LGR5: variants seen among roughly 807,000 people sequenced by gnomAD.
The protein encoded by LGR5 is leucine-rich repeat-containing G protein-coupled receptor 5.
Under a neutral mutation model 76.7 loss-of-function variants are expected in LGR5, and 54 were observed. The observed-to-expected ratio is 0.70, with a 90% CI of 0.57 to 0.88. The LOEUF (loss-of-function observed/expected upper bound fraction) is 0.88. Ranked by LOEUF, LGR5 falls within the 40% of genes least tolerant of loss-of-function variation. The pLI, the probability that LGR5 is intolerant of heterozygous loss-of-function variation, is 0.00. For missense variants in LGR5, 1,078 were observed against 1,073.3 expected (o/e 1.00, Z -0.06); for synonymous variants, 406 against 421.9 (o/e 0.96, Z 0.46).
chr12:71,483,011 C>T (rs1285847730), intron 1 of LGR5, among the ~76,000 whole-genome samples: 9 of 151,828 alleles, frequency 5.9e-5, no homozygotes. Flanking sequence ...ACCCCTAAGA[C>T]AAATTTGGGA....
At chr12:71,553,631 T>C (rs1337690956) in intron 5 of LGR5, among the ~76,000 whole-genome samples, 1 of 152,174 alleles carries the variant, frequency 6.6e-6, no homozygotes, top group African/African-American at 2.4e-5. Flanking sequence ...AAATAATTGA[T>C]AATTCAGGTC....
chr12:71,527,279 T>C (rs1876057833), intron 3 of LGR5, among the ~76,000 whole-genome samples: 1 of 152,212 alleles, frequency 6.6e-6, no homozygotes, highest in Admixed American at 6.5e-5. Flanking sequence ...TTTTGGTTTT[T>C]GTCTTAGGTT....
rs1366206373 is a variant in LGR5, at chr12:71,585,352, T to C, written c.*618T>C. ...GATCATTTTTAGAGATACCAGGTTT[T>C]ATGTATCAGCACTAGATGGTTCCAC... On this transcript the variant is annotated 3_prime_UTR_variant, in exon 18 of 18. Transcript: ENST00000266674. 1 of 152,480 alleles carries C rather than the reference T, an allele frequency of 6.6e-6. No homozygotes were observed. 9.4% of individuals were successfully genotyped at this position (152,480 alleles called of 1,614,324 possible).
intron 1 of LGR5, among the ~76,000 whole-genome samples, chr12:71,474,086 T>C (rs1183460316): frequency 6.6e-6 from 1 of 152,162 alleles, no homozygotes; most frequent in Non-Finnish European, 1.5e-5. Flanking sequence ...CAGATAAGCT[T>C]TCTTATTTGG....
chr12:71,581,359 A>C (rs11178867), intron 16 of LGR5, among the ~76,000 whole-genome samples: 5,446 of 152,140 alleles, frequency 0.036, 212 homozygotes, highest in African/African-American at 0.1. Flanking sequence ...CTCAAACCAC[A>C]CCTGTGGTAA....
intron 4 of LGR5, among the ~76,000 whole-genome samples, chr12:71,541,625 T>C (rs1321601046): frequency 2.0e-5 from 3 of 152,204 alleles, no homozygotes; most frequent in African/African-American, 7.2e-5. Flanking sequence ...TTGAATGCAC[T>C]TCCATGGTTA....
intron 11 of LGR5, among the ~76,000 whole-genome samples, chr12:71,569,393 T>A (rs1256703846): frequency 6.6e-6 from 1 of 152,004 alleles, no homozygotes; most frequent in East Asian, 1.9e-4. Flanking sequence ...TAGGAGAAAA[T>A]TTTTGCAATC....
At chr12:71,465,637 C>T (rs1266784120) in intron 1 of LGR5, among the ~76,000 whole-genome samples, 2 of 152,184 alleles carry the variant, frequency 1.3e-5, no homozygotes, top group African/African-American at 2.4e-5. Flanking sequence ...GCATAAACTT[C>T]CTTTCTTCCT....
At chr12:71,452,923 T>A (rs1872307595) in intron 1 of LGR5, among the ~76,000 whole-genome samples, 1 of 152,212 alleles carries the variant, frequency 6.6e-6, no homozygotes, top group South Asian at 2.1e-4. Flanking sequence ...ATGTTAGGTG[T>A]AATTATTTCT....
intron 2 of LGR5, among the ~76,000 whole-genome samples, chr12:71,511,905 T>C (rs374529139): frequency 9.8e-5 from 15 of 152,286 alleles, no homozygotes; most frequent in Middle Eastern, 3.4e-3. Context: ...CACCTTGTCT[T>C]TCCTGTTTGT....
intron 3 of LGR5, among the ~76,000 whole-genome samples, chr12:71,526,425 C>T (rs977033050): frequency 2.0e-5 from 3 of 149,366 alleles, no homozygotes; most frequent in African/African-American, 7.3e-5. Context: ...TTAAAATGTA[C>T]CCTTTCCATC....
chr12:71,560,243 G>A (rs1488974117), intron 7 of LGR5, among the ~76,000 whole-genome samples: 1 of 152,018 alleles, frequency 6.6e-6, no homozygotes, highest in African/African-American at 2.4e-5. Flanking sequence ...AATATAAACA[G>A]TCTATTAACA....
chr12:71,514,155 A>T (rs1875311251), intron 2 of LGR5, among the ~76,000 whole-genome samples: 1 of 152,200 alleles, frequency 6.6e-6, no homozygotes, highest in Non-Finnish European at 1.5e-5. Context: ...GGTAGAGGGT[A>T]GAAAATCAAC....
At chr12:71,566,546 T>C in intron 9 of LGR5, 71 bp downstream of exon 9, 3 of 1,523,146 alleles carry the variant, frequency 2.0e-6, no homozygotes, top group South Asian at 2.2e-5. Context: ...ATGAATATTA[T>C]AGGTTGAAGT....
At chr12:71,514,572 A>AC (rs1427351065) in intron 2 of LGR5, among the ~76,000 whole-genome samples, 1 of 151,312 alleles carries the variant, frequency 6.6e-6, no homozygotes, top group Non-Finnish European at 1.5e-5. Context: ...CCTCTCAAAA[A>AC]AAAAAAAAGA....
At position 71,439,828 on chromosome 12, in the gene LGR5, C is replaced by A. The variant is rs114831060; in HGVS notation, c.-253C>A. On this transcript the variant is annotated 5_prime_UTR_variant, in exon 1 of 18. Coordinates refer to ENST00000266674, the MANE Select transcript of LGR5 (RefSeq NM_003667.4). ...ACACCGCTCAGGCCGCGAGCAGCAG[C>A]AAGGCGCACCGCCACTGTCGCCGCT... 0.023 allele frequency: 11,183 copies of A among 487,082 alleles called. 182 individuals are homozygous for A. Among genetic ancestry groups the A allele is most frequent in the African/African-American group, 0.046 (2,218 of 48,612 alleles). 30.2% of individuals were successfully genotyped at this position (487,082 alleles called of 1,614,324 possible).
intron 1 of LGR5, among the ~76,000 whole-genome samples, chr12:71,485,687 G>T (rs925000319): frequency 6.6e-6 from 1 of 152,084 alleles, no homozygotes; most frequent in Non-Finnish European, 1.5e-5. Context: ...GCATGATTGT[G>T]CCACTGCACT....
intron 4 of LGR5, among the ~76,000 whole-genome samples, chr12:71,550,534 C>T (rs1003491949): frequency 1.3e-5 from 2 of 150,608 alleles, no homozygotes; most frequent in African/African-American, 2.4e-5. Flanking sequence ...GATCTCGGCT[C>T]ACTGCAGCGT....
rs563246260 is a variant in LGR5, at chr12:71,535,150, C to A, written c.392C>A (p.Thr131Lys). 2 of 1,612,100 alleles carry A rather than the reference C, an allele frequency of 1.2e-6. No homozygotes were observed. ...AATAATCAGCTAAGACACGTACCCA[C>A]AGAAGCTCTGCAGAATTTGCGAAGC... ...LQNNQLRHVP[T>K]EALQNLRSLQ... Residue 131 changes from threonine to lysine, a missense_variant, in exon 4 of 18, where the codon ACA (threonine) becomes AAA (lysine). Coordinates refer to ENST00000266674, the MANE Select transcript of LGR5 (RefSeq NM_003667.4).
Sources: allele counts gnomAD v4.1 joint callset (sites outside exome capture counted in the v4.1 genomes callset), GRCh38; gene constraint gnomAD v4.1.1; transcripts MANE v1.5; gene names NCBI Gene and HGNC (gene_info 2026-07-23, HGNC 2026-07-21).